LRP1B: variants seen among roughly 807,000 people sequenced by gnomAD.
LRP1B encodes low-density lipoprotein receptor-related protein 1B.
A neutral mutation model predicts 556.6 loss-of-function variants in LRP1B; 217 were observed. That is an observed-to-expected ratio of 0.39 (90% confidence interval 0.35 to 0.44). The LOEUF is 0.44. Ranked by LOEUF, LRP1B falls within the 20% of genes least tolerant of loss-of-function variation. LRP1B has a pLI of 1.00. For missense variants in LRP1B, 5,053 were observed against 5,620.8 expected, an observed-to-expected ratio of 0.90 and a Z score of 3.23; for synonymous variants, 2,047 against 1,865.8, an observed-to-expected ratio of 1.10 and a Z score of -2.50.
chr2:140,301,785 A>C (rs1193560952), intron 83 of LRP1B, among the ~76,000 whole-genome samples: 1 of 151,708 alleles, frequency 6.6e-6, no homozygotes, highest in Non-Finnish European at 1.5e-5. Flanking sequence ...TAGTTTATAA[A>C]TATTCTGTAC....
intron 7 of LRP1B, among the ~76,000 whole-genome samples, chr2:141,076,870 G>A (rs1699800581): frequency 6.6e-6 from 1 of 152,146 alleles, no homozygotes; most frequent in Non-Finnish European, 1.5e-5. Context: ...GAGATGAGTA[G>A]CTCTGCATAT....
intron 1 of LRP1B, among the ~76,000 whole-genome samples, chr2:142,011,749 A>G (rs532880814): frequency 2.0e-5 from 3 of 152,336 alleles, no homozygotes; most frequent in Admixed American, 6.5e-5. Flanking sequence ...GTCTTCATCC[A>G]TGAAATGTAA....
chr2:141,158,995 A>G (rs1026714430), intron 7 of LRP1B, among the ~76,000 whole-genome samples: 3 of 152,188 alleles, frequency 2.0e-5, no homozygotes, highest in African/African-American at 7.2e-5. Context: ...CTAGAAGTAT[A>G]CAACTATTCT....
At chr2:140,352,490 TAA>T (rs1682013022) in intron 76 of LRP1B, among the ~76,000 whole-genome samples, 1 of 152,114 alleles carries the variant, frequency 6.6e-6, no homozygotes, top group Non-Finnish European at 1.5e-5. Context: ...TTAATCTTTT[TAA>T]AAAATAATAT....
rs565155767 is a variant in LRP1B, at chr2:141,746,318, C to A, written c.205+63961G>T. ...GACGGGGCTTGCTGGAACTCATATT[C>A]AGACTGCTGGGATGGGCGATTCCTC... On this transcript the variant is annotated intron_variant, in intron 2 of 90. Transcript: ENST00000389484. Among the ~76,000 whole-genome samples, 14 of 152,280 alleles carry A rather than the reference C, an allele frequency of 9.2e-5. No homozygotes were observed. In the East Asian group the frequency reaches 2.3e-3, roughly 25 times the overall value.
At chr2:140,372,097 T>C (rs1683024748) in intron 69 of LRP1B, among the ~76,000 whole-genome samples, 1 of 152,072 alleles carries the variant, frequency 6.6e-6, no homozygotes, top group Non-Finnish European at 1.5e-5. Flanking sequence ...TCTGGGCTTC[T>C]GGCCTTATGT....
chr2:141,018,604 C>A (rs1397839636), intron 12 of LRP1B, among the ~76,000 whole-genome samples: 1 of 152,040 alleles, frequency 6.6e-6, no homozygotes, highest in African/African-American at 2.4e-5. Flanking sequence ...TATGTCATCT[C>A]TTGGGCACAA....
At chr2:141,850,215 A>G (rs1371512256) in intron 1 of LRP1B, among the ~76,000 whole-genome samples, 2 of 151,630 alleles carry the variant, frequency 1.3e-5, no homozygotes, top group Admixed American at 1.3e-4. Context: ...TTCCCTGCAG[A>G]AGTCATTTTT....
chr2:141,758,726 T>C (rs754463238), intron 2 of LRP1B, among the ~76,000 whole-genome samples: 9 of 152,154 alleles, frequency 5.9e-5, no homozygotes, highest in Admixed American at 1.3e-4. Context: ...TAGTGCAAAG[T>C]AAATTTTTGT....
At chr2:140,908,508 T>C (rs1278486115) in intron 21 of LRP1B, among the ~76,000 whole-genome samples, 2 of 151,556 alleles carry the variant, frequency 1.3e-5, no homozygotes, top group South Asian at 2.1e-4. Flanking sequence ...GTGAATGCTA[T>C]CGGTGCCTGT....
At chr2:141,830,023 A>C (rs1271320093) in intron 1 of LRP1B, among the ~76,000 whole-genome samples, 1 of 151,940 alleles carries the variant, frequency 6.6e-6, no homozygotes, top group East Asian at 1.9e-4. Context: ...CACCACTGAC[A>C]AAAGCAGCAA....
At chr2:141,130,735 C>T (rs962128627) in intron 7 of LRP1B, among the ~76,000 whole-genome samples, 2 of 152,028 alleles carry the variant, frequency 1.3e-5, no homozygotes, top group African/African-American at 4.8e-5. Flanking sequence ...CTAATTTACA[C>T]TCCCACCTTT....
At chr2:141,596,643 C>A (rs574485873) in intron 2 of LRP1B, among the ~76,000 whole-genome samples, 3 of 152,108 alleles carry the variant, frequency 2.0e-5, no homozygotes, top group Non-Finnish European at 1.5e-5. Context: ...GACTTGCTAA[C>A]AAATTTCATC....
chr2:141,651,495 C>T lies in LRP1B; in HGVS notation c.205+158784G>A, dbSNP rs189070750. Reference sequence around the variant, plus strand: ...CCTGGCCGACATGGTGAAACCCCATCTCTACTAAAAATACAAAAATTGGCC... The same window carrying T: ...CCTGGCCGACATGGTGAAACCCCATTTCTACTAAAAATACAAAAATTGGCC... On this transcript the variant is annotated intron_variant, in intron 2 of 90. Coordinates refer to ENST00000389484, the MANE Select transcript of LRP1B (RefSeq NM_018557.3). Among the ~76,000 whole-genome samples the T allele has an allele frequency of 5.3e-3, 811 of 152,228 alleles. 12 individuals carry two copies. The highest frequency in any genetic ancestry group is 0.019 in the African/African-American group (774 of 41,532).
At chr2:141,887,243 G>A (rs1245668439) in intron 1 of LRP1B, among the ~76,000 whole-genome samples, 1 of 152,150 alleles carries the variant, frequency 6.6e-6, no homozygotes, top group African/African-American at 2.4e-5. Flanking sequence ...TGATCCGCCA[G>A]CCTTGGGCTC....
At chr2:141,927,277 A>G (rs571041784) in intron 1 of LRP1B, among the ~76,000 whole-genome samples, 2 of 152,132 alleles carry the variant, frequency 1.3e-5, no homozygotes, top group South Asian at 2.1e-4. Context: ...CTATGGGTAA[A>G]TGTTGTGAAT....
intron 7 of LRP1B, among the ~76,000 whole-genome samples, chr2:141,128,052 C>T (rs528594719): frequency 3.3e-5 from 5 of 152,250 alleles, no homozygotes; most frequent in African/African-American, 1.2e-4. Flanking sequence ...GCAATCACAG[C>T]TCATTGTAAC....
intron 4 of LRP1B, among the ~76,000 whole-genome samples, chr2:141,252,654 C>T (rs982062696): frequency 2.6e-5 from 4 of 152,046 alleles, no homozygotes; most frequent in African/African-American, 9.7e-5. Flanking sequence ...TTATGCTGTT[C>T]AGGAGAGCAA....
At chr2:142,051,715 T>A (rs1412828896) in intron 1 of LRP1B, among the ~76,000 whole-genome samples, 1 of 152,012 alleles carries the variant, frequency 6.6e-6, no homozygotes, top group African/African-American at 2.4e-5. Context: ...GACCTTGTGA[T>A]CCATCCCCCT....
Sources: gnomAD v4.1 joint callset for allele counts (sites outside exome capture counted in the v4.1 genomes callset) on GRCh38, gnomAD v4.1.1 for gene constraint, MANE v1.5 for transcripts, NCBI Gene and HGNC (gene_info 2026-07-23, HGNC 2026-07-21) for gene names.